Variants in DIP2B observed in about 807,000 individuals in gnomAD.
The protein encoded by DIP2B is DIP2 acetate--CoA ligase B (putative).
Under a neutral mutation model 198.0 loss-of-function variants are expected in DIP2B, and 76 were observed. The observed-to-expected ratio is 0.38, with a 90% CI of 0.32 to 0.46. The LOEUF (loss-of-function observed/expected upper bound fraction) is 0.46. Among genes scored for constraint, DIP2B ranks in the 20% least tolerant of loss-of-function variants. DIP2B has a pLI of 0.99. For missense variants in DIP2B, 1,559 were observed against 1,978.4 expected (o/e 0.79, Z 4.02); for synonymous variants, 701 against 739.1 (o/e 0.95, Z 0.84).
At chr12:50,623,138 C>T (rs1025306135) in intron 1 of DIP2B, among the ~76,000 whole-genome samples, 15 of 151,940 alleles carry the variant, frequency 9.9e-5, no homozygotes, top group Admixed American at 9.8e-4. Context: ...AATTCTAGCA[C>T]TTTGGGAGAC....
intron 1 of DIP2B, among the ~76,000 whole-genome samples, chr12:50,588,589 G>C (rs1958790800): frequency 6.6e-6 from 1 of 152,142 alleles, no homozygotes; most frequent in Non-Finnish European, 1.5e-5. Flanking sequence ...AATGCTGTCT[G>C]AATGAGATAC....
At chr12:50,579,884 G>T (rs570393645) in intron 1 of DIP2B, among the ~76,000 whole-genome samples, 2 of 151,258 alleles carry the variant, frequency 1.3e-5, no homozygotes, top group South Asian at 4.2e-4. Context: ...AGATTGGCCT[G>T]GTAGGTGTGC....
At chr12:50,731,565 G>T (rs766433653) in intron 31 of DIP2B, 28 bp downstream of exon 31, 2 of 1,591,162 alleles carry the variant, frequency 1.3e-6, no homozygotes, top group African/African-American at 2.7e-5. Flanking sequence ...CAGGTGGCCA[G>T]TCCCAAAAGG....
chr12:50,545,234 G>A (rs1004710307), intron 1 of DIP2B, among the ~76,000 whole-genome samples: 2 of 152,050 alleles, frequency 1.3e-5, no homozygotes, highest in Non-Finnish European at 2.9e-5. Flanking sequence ...TGTTTATACC[G>A]ATTTACAGAC....
chr12:50,652,346 TACACAC>T (rs34791599), intron 3 of DIP2B, among the ~76,000 whole-genome samples: 33 of 140,440 alleles, frequency 2.3e-4, no homozygotes, highest in South Asian at 1.6e-3. Context: ...ATATATATAA[TACACAC>T]ACACACACAC....
Position 50,723,340 on chromosome 12 carries a change from T to C in DIP2B, c.3288+17T>C. ...ATTGTTGATGTAAGTACCAGCTGTA[T>C]CTTGCCTTGTCCTCATCTCCTAAAA... On this transcript the variant is annotated intron_variant, in intron 27 of 37. Coordinates refer to ENST00000301180, the MANE Select transcript of DIP2B (RefSeq NM_173602.3). 6.2e-7 allele frequency: 1 copy of C among 1,613,988 alleles called. No individual in the cohort carries two copies.
At chr12:50,544,446 G>C (rs1958357646) in intron 1 of DIP2B, among the ~76,000 whole-genome samples, 1 of 151,868 alleles carries the variant, frequency 6.6e-6, no homozygotes, top group Admixed American at 6.6e-5. Flanking sequence ...AGCTGGGATT[G>C]CAGGTGCCTG....
intron 3 of DIP2B, among the ~76,000 whole-genome samples, chr12:50,659,245 T>G (rs970277039): frequency 6.6e-6 from 1 of 152,132 alleles, no homozygotes; most frequent in African/African-American, 2.4e-5. Context: ...TGTCACATTG[T>G]CGTTAAAGTG....
rs375020950 is a variant in DIP2B at position 50,566,868 on chromosome 12, A to G, written c.101-59108A>G. On this transcript the variant is annotated intron_variant, in intron 1 of 37. Transcript: ENST00000301180. ...GCGCCTGTAGTCCCAGCTACTCGGG[A>G]GGCTGAGGCAGGAGAATGGTGTGAA... Among the ~76,000 whole-genome samples, 83 of 149,264 alleles carry G rather than the reference A, an allele frequency of 5.6e-4. No homozygotes were observed. In the South Asian group the frequency reaches 0.017, roughly 30 times the overall value.
chr12:50,562,692 A>G (rs1958529695), intron 1 of DIP2B, among the ~76,000 whole-genome samples: 1 of 151,818 alleles, frequency 6.6e-6, no homozygotes, highest in South Asian at 2.1e-4. Context: ...AGCTGAGATC[A>G]TGCCACTGCA....
At chr12:50,537,524 C>G (rs1366254488) in intron 1 of DIP2B, among the ~76,000 whole-genome samples, 2 of 151,980 alleles carry the variant, frequency 1.3e-5, no homozygotes, top group African/African-American at 2.4e-5. Flanking sequence ...GAGTCTATGA[C>G]AATGTGGGAA....
intron 28 of DIP2B, among the ~76,000 whole-genome samples, chr12:50,726,877 C>A (rs1378954074): frequency 6.6e-6 from 1 of 152,104 alleles, no homozygotes; most frequent in Non-Finnish European, 1.5e-5. Flanking sequence ...CTCTGAGAGG[C>A]TGAGGCAGGA....
At chr12:50,732,294 G>T in intron 31 of DIP2B, 72 bp from the exon 32 acceptor site, 1 of 1,558,842 alleles carries the variant, frequency 6.4e-7, no homozygotes, top group South Asian at 1.2e-5. Flanking sequence ...CAAGGAGCTA[G>T]AACAGTGGCC....
At chr12:50,553,483 T>G (rs933707634) in intron 1 of DIP2B, among the ~76,000 whole-genome samples, 12 of 152,282 alleles carry the variant, frequency 7.9e-5, no homozygotes, top group East Asian at 1.9e-4. Flanking sequence ...ACAGCCTGTA[T>G]GTTGCAGGTC....
chr12:50,669,581 T>G (rs941994742), intron 4 of DIP2B, among the ~76,000 whole-genome samples: 15 of 152,178 alleles, frequency 9.9e-5, no homozygotes, highest in African/African-American at 3.4e-4. Flanking sequence ...TGCACCACCA[T>G]GCCTGGCTAA....
Position 50,518,324 on chromosome 12 carries a change from A to G in DIP2B, c.100+13084A>G, listed in dbSNP as rs188761329. On this transcript the variant is annotated intron_variant, in intron 1 of 37. Transcript: ENST00000301180. ...GCTGCAAGCTCCGCCCCCTGGGTTC[A>G]AGCGATTCTGCTTCTTCAGCCTCCC... 3.3e-5 allele frequency among the ~76,000 whole-genome samples: 5 copies of G among 151,854 alleles called. No homozygotes were observed. The East Asian group carries it at 9.7e-4, about 29-fold the overall frequency.
intron 2 of DIP2B, among the ~76,000 whole-genome samples, chr12:50,631,680 G>A (rs918190837): frequency 3.3e-5 from 5 of 152,134 alleles, no homozygotes; most frequent in African/African-American, 1.2e-4. Context: ...TGATCTGCCC[G>A]CCTCAGCCTC....
In DIP2B at chr12:50,516,213, A is replaced by ATCTCTCTCTC. The variant is rs68059796; in HGVS notation, c.100+10997_100+11006dup. 2.9e-3 allele frequency among the ~76,000 whole-genome samples: 372 copies of ATCTCTCTCTC among 128,560 alleles called. 3 individuals carry two copies. Among genetic ancestry groups the ATCTCTCTCTC allele is most frequent in the African/African-American group, 0.01 (345 of 33,470 alleles). 84.3% of individuals were successfully genotyped at this position (128,560 alleles called of 152,430 possible). ...GACCTAATCACCTCCTAGAGGCACCATCTCTCTCTCTCTCTCTCTCTCTCT... is the reference window on the plus strand; with the variant it reads ...GACCTAATCACCTCCTAGAGGCACCATCTCTCTCTCTCTCTCTCTCTCTCTCTCTCTCTCT... On this transcript the variant is annotated intron_variant, in intron 1 of 37. Transcript: ENST00000301180.
At chr12:50,717,962 C>T (rs891993833) in intron 23 of DIP2B, among the ~76,000 whole-genome samples, 2 of 131,166 alleles carry the variant, frequency 1.5e-5, no homozygotes, top group African/African-American at 2.9e-5. Context: ...TGCAGTGGCA[C>T]GATTTCGGCT....
Sources: allele counts gnomAD v4.1 joint callset (sites outside exome capture counted in the v4.1 genomes callset), GRCh38; gene constraint gnomAD v4.1.1; transcripts MANE v1.5; gene names NCBI Gene and HGNC (gene_info 2026-07-23, HGNC 2026-07-21).